The following RPS6KB1 variants were observed in gnomAD, a reference collection of about 807,000 sequenced individuals.
The protein encoded by RPS6KB1 is ribosomal protein S6 kinase beta-1.
In RPS6KB1, 12 loss-of-function variants were observed where a neutral mutation model predicts 70.2. The observed-to-expected ratio is 0.17, with a 90% CI of 0.11 to 0.28. The LOEUF is 0.28. Ranked by LOEUF, RPS6KB1 falls within the 10% of genes least tolerant of loss-of-function variation. The pLI is 1.00. For synonymous variants in RPS6KB1, 175 were observed against 211.2 expected (o/e 0.83, Z 1.49); for missense variants, 270 against 646.6 (o/e 0.42, Z 6.32).
At chr17:59,919,417 T>TGTGC (rs1347526229) in intron 4 of RPS6KB1, among the ~76,000 whole-genome samples, 4 of 152,098 alleles carry the variant, frequency 2.6e-5, no homozygotes, top group Non-Finnish European at 5.9e-5. Flanking sequence ...ATTGCACCAT[T>TGTGC]GTGCTCTAGC....
At chr17:59,912,469 A>G in intron 2 of RPS6KB1, 1 of 453,408 alleles carries the variant, frequency 2.2e-6, no homozygotes, top group Non-Finnish European at 4.0e-6. Flanking sequence ...TAAATAATTG[A>G]TTGCCCATTC....
At chr17:59,935,340 T>C (rs1183096100) in intron 10 of RPS6KB1, 40 bp downstream of exon 10, 1 of 1,065,402 alleles carries the variant, frequency 9.4e-7, no homozygotes, top group Non-Finnish European at 1.4e-6. Context: ...CAAGATTCAA[T>C]GACTAGGATT....
Position 59,946,594 on chromosome 17 carries a change from T to C in RPS6KB1, c.1384T>C (p.Ser462Pro), listed in dbSNP as rs2044939292. The change falls in exon 15 of 15, where the codon TCG becomes CCG. Residue 462 changes from serine to proline, a missense_variant. Physicochemically the swap from Ser to Pro is moderately conservative, Grantham distance 74 (BLOSUM62 -1). Transcript: ENST00000225577. The surrounding 1 kb of genome is among the most constrained non-coding windows in gnomAD (Gnocchi z 4.2). ...TGGGGATTTCTGGGGAAGAGGTGCT[T>C]CGGCCAGCACAGCAAATCCTCAGAC... Reference protein sequence around the residue: ...SPGDFWGRGASASTANPQTPV... With the variant: ...SPGDFWGRGAPASTANPQTPV... 3 of 1,614,150 alleles carry C rather than the reference T, an allele frequency of 1.9e-6. No individual in the cohort carries two copies. The South Asian group carries it at 3.3e-5, about 18-fold the overall frequency.
At chr17:59,908,605 T>TA (rs1211372986) in intron 1 of RPS6KB1, among the ~76,000 whole-genome samples, 10 of 145,288 alleles carry the variant, frequency 6.9e-5, no homozygotes, top group Non-Finnish European at 7.5e-5. Flanking sequence ...AGTTGTCATG[T>TA]AAAAAAAATT....
chr17:59,923,054 G>A (rs1046839873), intron 4 of RPS6KB1, among the ~76,000 whole-genome samples: 3 of 151,638 alleles, frequency 2.0e-5, no homozygotes, highest in Non-Finnish European at 4.4e-5. Context: ...AGTAGAGATG[G>A]GGTTTCACTA....
intron 4 of RPS6KB1, among the ~76,000 whole-genome samples, chr17:59,918,086 A>T (rs1021564725): frequency 6.6e-6 from 1 of 151,992 alleles, no homozygotes. Flanking sequence ...GGCATGTGCC[A>T]CCATGCCCGG....
At chr17:59,898,155 A>G (rs558240695) in intron 1 of RPS6KB1, among the ~76,000 whole-genome samples, 1 of 152,172 alleles carries the variant, frequency 6.6e-6, no homozygotes, top group South Asian at 2.1e-4. Context: ...GATTGCAAAA[A>G]TGTTGGAATC....
intron 12 of RPS6KB1, among the ~76,000 whole-genome samples, chr17:59,940,475 A>G (rs1482194398): frequency 1.3e-5 from 2 of 151,562 alleles, no homozygotes; most frequent in Admixed American, 6.6e-5. Context: ...TTTAGTAGAG[A>G]TGGGGTTTCA....
chr17:59,904,191 C>A (rs1433716137), intron 1 of RPS6KB1, among the ~76,000 whole-genome samples: 1 of 151,592 alleles, frequency 6.6e-6, no homozygotes, highest in African/African-American at 2.4e-5. Flanking sequence ...AGTGATTCTC[C>A]TGCCTCAGCC....
intron 2 of RPS6KB1, among the ~76,000 whole-genome samples, chr17:59,911,096 G>A (rs1335800752): frequency 4.6e-5 from 7 of 152,140 alleles, no homozygotes; most frequent in Non-Finnish European, 1.5e-5. Flanking sequence ...CAGCCTGGCC[G>A]ACATGGCGAA....
chr17:59,904,626 T>C (rs1172358612), intron 1 of RPS6KB1, among the ~76,000 whole-genome samples: 5 of 149,784 alleles, frequency 3.3e-5, no homozygotes, highest in African/African-American at 1.2e-4. Flanking sequence ...ATTCCTGTCC[T>C]CAAATTATCC....
intron 1 of RPS6KB1, among the ~76,000 whole-genome samples, chr17:59,895,082 G>A (rs981830852): frequency 2.6e-5 from 4 of 151,486 alleles, no homozygotes; most frequent in East Asian, 1.9e-4. Flanking sequence ...ATGCAGTGGC[G>A]TGATCTCAGC....
At chr17:59,908,808 C>A (rs556933200) in intron 1 of RPS6KB1, among the ~76,000 whole-genome samples, 1 of 139,598 alleles carries the variant, frequency 7.2e-6, no homozygotes, top group Non-Finnish European at 1.5e-5. Flanking sequence ...TTAGTAGAGA[C>A]GGGGTTTCAC....
chr17:59,912,001 G>C (rs991405211), intron 2 of RPS6KB1, among the ~76,000 whole-genome samples: 5 of 152,162 alleles, frequency 3.3e-5, no homozygotes, highest in African/African-American at 1.2e-4. Flanking sequence ...CTGATTTTCT[G>C]CTGACATTGC....
Position 59,948,407 on chromosome 17 carries a change from A to G in RPS6KB1, c.*1619A>G, listed in dbSNP as rs2045045812. ...TTTTGCAACCCTAGGATTTTTTTAA[A>G]TAGATGCTGCTTGCTATGTTTTCAA... On this transcript the variant is annotated 3_prime_UTR_variant, in exon 15 of 15. Transcript: ENST00000225577. 6.6e-6 allele frequency: 1 copy of G among 152,548 alleles called. No homozygotes were observed. The allele number at this position is 152,548 out of a possible 1,614,324, so 9.4% of individuals were successfully genotyped here.
intron 1 of RPS6KB1, among the ~76,000 whole-genome samples, chr17:59,906,164 A>AC (rs1159782627): frequency 6.6e-6 from 1 of 152,192 alleles, no homozygotes; most frequent in African/African-American, 2.4e-5. Flanking sequence ...AAATTAGTTG[A>AC]CAATATAAAT....
chr17:59,927,945 G>A (rs1181265839), intron 5 of RPS6KB1, among the ~76,000 whole-genome samples: 2 of 151,794 alleles, frequency 1.3e-5, no homozygotes, highest in African/African-American at 2.4e-5. Context: ...GGATCATGAG[G>A]TCAGGAGTTT....
chr17:59,942,463 T>C (rs1159875850), intron 13 of RPS6KB1, among the ~76,000 whole-genome samples: 13 of 152,366 alleles, frequency 8.5e-5, no homozygotes, highest in Non-Finnish European at 1.5e-5. Flanking sequence ...ATATGCTTGT[T>C]GATTTTATTA....
intron 13 of RPS6KB1, among the ~76,000 whole-genome samples, chr17:59,941,412 C>A (rs2044574730): frequency 1.3e-5 from 2 of 150,730 alleles, no homozygotes; most frequent in Admixed American, 1.3e-4. Context: ...GCAGCCTTGA[C>A]CTCCCAGGCT....
Sources: allele counts gnomAD v4.1 joint callset (sites outside exome capture counted in the v4.1 genomes callset), GRCh38; gene constraint gnomAD v4.1.1; non-coding constraint Gnocchi (gnomAD v3.1); transcripts MANE v1.5; gene names NCBI Gene and HGNC (gene_info 2026-07-23, HGNC 2026-07-21).